Variants in KRT75 observed in about 807,000 individuals in gnomAD.
The protein encoded by KRT75 is keratin 75.
Under a neutral mutation model 48.8 loss-of-function variants are expected in KRT75, and 35 were observed. The ratio of observed to expected loss-of-function variants is 0.72; its 90% CI spans 0.55 to 0.95. KRT75 has a LOEUF of 0.95. KRT75 is among the 40% of genes least tolerant of loss of function. The probability of loss-of-function intolerance (pLI) is 0.00; values close to 1 mark genes in which losing one functional copy is unlikely to be tolerated. For missense variants in KRT75, 776 were observed against 709.9 expected (o/e 1.09, Z -1.06); for synonymous variants, 301 against 282.3 (o/e 1.07, Z -0.66).
Position 52,434,262 on chromosome 12 carries a change from T to C in KRT75, c.43A>G (p.Arg15Gly). 6.3e-7 allele frequency: 1 copy of C among 1,587,180 alleles called. No homozygotes were observed. The part of the protein sequence containing the change: ...SSITFQSGSR[R>G]GFSTTSAITP... ...ATGGCCGAGGTGGTGCTGAAGCCCCTGCGGCTGCCAGACTGGAAGGTGATG... is the reference window on the plus strand; with the variant it reads ...ATGGCCGAGGTGGTGCTGAAGCCCCCGCGGCTGCCAGACTGGAAGGTGATG... The change falls in exon 1 of 9, where the codon AGG becomes GGG. Residue 15 changes from arginine (R) to glycine (G), a missense_variant. Coordinates refer to ENST00000252245, the MANE Select transcript of KRT75 (RefSeq NM_004693.3).
At position 52,434,351 on chromosome 12, in the gene KRT75, C is replaced by G. The variant is rs1940191515; in HGVS notation, c.-47G>C. ...AGAAGGCACCTGAGGTGGGCTGGTA[C>G]AGGCAGTGGAGAAGACAGGTGGCTG... On this transcript the variant is annotated 5_prime_UTR_variant, in exon 1 of 9. Coordinates refer to ENST00000252245, the MANE Select transcript of KRT75 (RefSeq NM_004693.3). 6.5e-7 allele frequency: 1 copy of G among 1,548,498 alleles called. No homozygotes were observed.
intron 3 of KRT75, 121 bp from the exon 4 acceptor site, chr12:52,431,759 G>A (rs78486560): frequency 4.7e-6 from 4 of 852,056 alleles, no homozygotes; most frequent in Middle Eastern, 2.2e-4. Context: ...CTGGGTCTGG[G>A]TGATTTGGGG....
In KRT75 at chr12:52,434,148, C is replaced by T. The variant is rs1240178179; in HGVS notation, c.157G>A (p.Ala53Thr). The change falls in exon 1 of 9, where the codon GCT (alanine) becomes ACT (threonine). Residue 53 changes from alanine to threonine, a missense_variant. Physicochemically the swap from Ala to Thr is moderately conservative, Grantham distance 58 (BLOSUM62 0). Transcript: ENST00000252245. ...CTGCGGCTTCCAAAGCTGGCCCCAG[C>T]ACTGCTGATCCTTCCCAGGCCCCCA... ...GSGGLGRISS[A>T]GASFGSRSLY... 1 of 1,613,968 alleles carries T rather than the reference C, an allele frequency of 6.2e-7. No homozygotes were observed. Among genetic ancestry groups the T allele is most frequent in the South Asian group, 1.1e-5 (1 of 91,064 alleles).
Position 52,430,568 on chromosome 12 carries a change from G to A in KRT75, c.1008C>T (p.Ala336=), listed in dbSNP as rs395623. 0.34 allele frequency: 554,281 copies of A among 1,613,690 alleles called. 100,446 individuals carry two copies. Among genetic ancestry groups the A allele is most frequent in the East Asian group, 0.51 (22,715 of 44,842 alleles). The change falls in exon 5 of 9, where the codon GCC becomes GCT. Residue 336 remains alanine (A), a synonymous_variant. Transcript: ENST00000252245. ...QYEDIANRSR[A]EAESWYQTKY... is the part of the protein sequence containing the mutation. ...TGGTCTGGTACCAGGACTCAGCCTC[G>A]GCCCGGCTGCGGTTGGCAATGTCCT...
In KRT75 at chr12:52,424,344, G is replaced by C; in HGVS notation, c.*173C>G. ...CAGACGGGTGCTGCTGGCAGTCTGG[G>C]CACTGTCAGGAGGGAGAGGCTGGCT... On this transcript the variant is annotated 3_prime_UTR_variant, in exon 9 of 9. Coordinates refer to ENST00000252245, the MANE Select transcript of KRT75 (RefSeq NM_004693.3). The C allele has an allele frequency of 1.4e-6, 1 of 734,048 alleles. No individual in the cohort carries two copies. The highest frequency in any genetic ancestry group is 2.5e-5 in the East Asian group (1 of 40,682). 45.5% of individuals were successfully genotyped at this position (734,048 alleles called of 1,614,324 possible).
At chr12:52,432,386 C>A (rs191589305) in intron 2 of KRT75, among the ~76,000 whole-genome samples, 17 of 152,208 alleles carry the variant, frequency 1.1e-4, no homozygotes, top group Non-Finnish European at 1.2e-4. Context: ...AAGTGTCTAC[C>A]GAAATCGTGG....
At chr12:52,429,292 T>C (rs544846921) in intron 5 of KRT75, among the ~76,000 whole-genome samples, 1 of 152,238 alleles carries the variant, frequency 6.6e-6, no homozygotes, top group South Asian at 2.1e-4. Flanking sequence ...ACACCAGTGC[T>C]GGGGAAACAG....
chr12:52,433,587 C>G (rs1384015699), intron 1 of KRT75, among the ~76,000 whole-genome samples: 1 of 152,172 alleles, frequency 6.6e-6, no homozygotes, highest in East Asian at 1.9e-4. Flanking sequence ...TTGGTGTTGA[C>G]TGAACCAGCC....
chr12:52,426,954 A>T, intron 7 of KRT75, 103 bp from the exon 8 acceptor site: 1 of 975,722 alleles, frequency 1.0e-6, no homozygotes, highest in South Asian at 1.3e-5. Flanking sequence ...ATTTAAACAT[A>T]CTTTATTATT....
intron 8 of KRT75, 108 bp downstream of exon 8, chr12:52,426,709 T>G: frequency 1.4e-4 from 154 of 1,131,140 alleles, no homozygotes; most frequent in Non-Finnish European, 1.9e-4. Context: ...ACGCTGTCTG[T>G]GAGATCCCGT....
chr12:52,431,874 G>A (rs1940149059), intron 3 of KRT75, 132 bp downstream of exon 3: 1 of 901,694 alleles, frequency 1.1e-6, no homozygotes, highest in African/African-American at 1.6e-5. Flanking sequence ...CATGTTGGGA[G>A]GTTTGAACTC....
intron 5 of KRT75, among the ~76,000 whole-genome samples, chr12:52,430,337 C>T (rs1341581497): frequency 6.6e-6 from 1 of 152,030 alleles, no homozygotes; most frequent in African/African-American, 2.4e-5. Context: ...TCCTGAGCTC[C>T]CAGCATTGGG....
At chr12:52,433,416 CCGCAAAG>C (rs1940172280) in intron 1 of KRT75, among the ~76,000 whole-genome samples, 164 bp from the exon 2 acceptor site, 1 of 152,036 alleles carries the variant, frequency 6.6e-6, no homozygotes, top group African/African-American at 2.4e-5. Context: ...CATGGAGCTA[CCGCAAAG>C]TTCCCTAGGG....
At chr12:52,428,156 G>A in intron 7 of KRT75, 100 bp downstream of exon 7, 2 of 1,433,250 alleles carry the variant, frequency 1.4e-6, no homozygotes, top group Non-Finnish European at 2.0e-6. Context: ...TTTTCTTCCA[G>A]GAGAAGAAGG....
At chr12:52,432,994 C>A in intron 2 of KRT75, 44 bp downstream of exon 2, 2 of 1,588,848 alleles carry the variant, frequency 1.3e-6, no homozygotes, top group East Asian at 2.2e-5. Flanking sequence ...CACAAAGGAG[C>A]CTTCAGATGG....
rs1269521654 is a variant in KRT75, at chr12:52,430,716, G to T, written c.871-11C>A. On this transcript the variant is annotated splice_polypyrimidine_tract_variant and intron_variant, in intron 4 of 8. Coordinates refer to ENST00000252245, the MANE Select transcript of KRT75 (RefSeq NM_004693.3). Reference sequence around the variant, plus strand: ...CAACTGGGACAGCTCCTGCAGGGCAGTAAACTCAGCATCACCAAGGCATAA... The same window carrying T: ...CAACTGGGACAGCTCCTGCAGGGCATTAAACTCAGCATCACCAAGGCATAA... 9 of 1,613,924 alleles carry T rather than the reference G, an allele frequency of 5.6e-6. No individual in the cohort carries two copies. Among genetic ancestry groups the T allele is most frequent in the Non-Finnish European group, 7.6e-6 (9 of 1,179,936 alleles).
Position 52,434,176 on chromosome 12 carries a change from C to T in KRT75, c.129G>A (p.Gly43=), listed in dbSNP as rs267603517. 6.2e-7 allele frequency: 1 copy of T among 1,612,390 alleles called. No individual in the cohort carries two copies. Among genetic ancestry groups the T allele is most frequent in the Non-Finnish European group, 8.5e-7 (1 of 1,178,926 alleles). Residue 43 remains glycine (G), a synonymous_variant, in exon 1 of 9, where the codon GGG becomes GGA. Transcript: ENST00000252245. ...SSVSVARSAA[G]SGGLGRISSA... The stretch of plus-strand genomic sequence containing the variant: ...TGCTGATCCTTCCCAGGCCCCCACT[C>T]CCTGCTGCAGAGCGGGCCACAGAGA...
rs377537376 is a variant in KRT75 at position 52,432,081 on chromosome 12, C to T, written c.714-15G>A. On this transcript the variant is annotated splice_polypyrimidine_tract_variant and intron_variant, in intron 2 of 8. Transcript: ENST00000252245. ...CATCTTCGTACCTATAAGGACAGAG[C>T]GGGGGGTGTGCTGTTGAGCAAGTCT... The T allele has an allele frequency of 2.4e-5, 39 of 1,613,770 alleles. No homozygotes were observed. The highest frequency in any genetic ancestry group is 4.0e-5 in the African/African-American group (3 of 74,880).
At position 52,424,286 on chromosome 12, in the gene KRT75, A is replaced by G. The variant is rs188462; in HGVS notation, c.*231T>C. 0.32 allele frequency: 203,190 copies of G among 627,756 alleles called. 36,172 individuals carry two copies. The highest frequency in any genetic ancestry group is 0.51 in the East Asian group (18,826 of 37,080). 38.9% of individuals were successfully genotyped at this position (627,756 alleles called of 1,614,324 possible). ...GCAAGATAGGCTGAATGAGAGCCTTAGGAGAGAGCAGGCTTTGGTTTCACA... is the reference window on the plus strand; with the variant it reads ...GCAAGATAGGCTGAATGAGAGCCTTGGGAGAGAGCAGGCTTTGGTTTCACA... On this transcript the variant is annotated 3_prime_UTR_variant, in exon 9 of 9. Coordinates refer to ENST00000252245, the MANE Select transcript of KRT75 (RefSeq NM_004693.3).
Sources: gnomAD v4.1 joint callset for allele counts (sites outside exome capture counted in the v4.1 genomes callset) on GRCh38, gnomAD v4.1.1 for gene constraint, MANE v1.5 for transcripts, NCBI Gene and HGNC (gene_info 2026-07-23, HGNC 2026-07-21) for gene names.